Variants in EFCAB7 observed in about 807,000 individuals in gnomAD.
The protein encoded by EFCAB7 is EF-hand calcium-binding domain-containing protein 7.
A neutral mutation model predicts 77.1 loss-of-function variants in EFCAB7; 66 were observed. The ratio of observed to expected loss-of-function variants is 0.86; its 90% CI spans 0.70 to 1.05. The LOEUF is 1.05. EFCAB7 is among the 50% of genes least tolerant of loss of function. The pLI, the probability that EFCAB7 is intolerant of heterozygous loss-of-function variation, is 0.00. For synonymous variants in EFCAB7, 225 were observed against 243.3 expected (o/e 0.92, Z 0.70); for missense variants, 638 against 730.5 (o/e 0.87, Z 1.46).
intron 11 of EFCAB7, among the ~76,000 whole-genome samples, chr1:63,562,442 A>AATTT (rs749376317): frequency 2.7e-4 from 12 of 43,950 alleles, no homozygotes; most frequent in Non-Finnish European, 3.5e-4. Context: ...AGGCCTTCTT[A>AATTT]ATTTATTTAT....
chr1:63,537,537 G>GT (rs980125298), intron 6 of EFCAB7, among the ~76,000 whole-genome samples: 2 of 152,000 alleles, frequency 1.3e-5, no homozygotes, highest in African/African-American at 4.8e-5. Context: ...TTCATTATCT[G>GT]TTTTTTGTGA....
chr1:63,556,847 G>C (rs1647036331), intron 9 of EFCAB7, among the ~76,000 whole-genome samples: 1 of 147,868 alleles, frequency 6.8e-6, no homozygotes, highest in Admixed American at 6.8e-5. Flanking sequence ...ATTTTTAGTA[G>C]AGAAACCCCA....
chr1:63,571,225 G>A, intron 13 of EFCAB7, 97 bp downstream of exon 13: 1 of 750,144 alleles, frequency 1.3e-6, no homozygotes, highest in South Asian at 1.8e-5. Context: ...AAAATGGAGT[G>A]GAAAATTATT....
intron 7 of EFCAB7, chr1:63,546,948 C>T (rs570173284): frequency 5.9e-5 from 9 of 151,974 alleles, no homozygotes; most frequent in Non-Finnish European, 1.3e-4. Flanking sequence ...GGGTGATTTC[C>T]CTAGATAACC....
intron 10 of EFCAB7, among the ~76,000 whole-genome samples, chr1:63,561,498 G>T (rs915008277): frequency 6.6e-6 from 1 of 152,062 alleles, no homozygotes; most frequent in African/African-American, 2.4e-5. Flanking sequence ...ATGAAATTGT[G>T]TACTACGATA....
chr1:63,561,313 C>T (rs897676881), intron 10 of EFCAB7, among the ~76,000 whole-genome samples: 2 of 152,120 alleles, frequency 1.3e-5, no homozygotes, highest in African/African-American at 4.8e-5. Flanking sequence ...TCAAATTCAT[C>T]CAGTTTCTGC....
intron 6 of EFCAB7, among the ~76,000 whole-genome samples, chr1:63,542,334 T>A (rs1317991217): frequency 6.6e-6 from 1 of 152,236 alleles, no homozygotes; most frequent in Non-Finnish European, 1.5e-5. Flanking sequence ...TTTACCATGT[T>A]TTGTTTATCT....
At chr1:63,556,353 G>A (rs1008130234) in intron 9 of EFCAB7, among the ~76,000 whole-genome samples, 1 of 152,034 alleles carries the variant, frequency 6.6e-6, no homozygotes, top group Middle Eastern at 3.2e-3. Flanking sequence ...AAATCACATT[G>A]TACACCATAA....
chr1:63,572,537 C>G lies in EFCAB7; in HGVS notation c.*21C>G, dbSNP rs758433497. On this transcript the variant is annotated 3_prime_UTR_variant, in exon 14 of 14. Transcript: ENST00000371088. ...CTTAAATAATTATACTTAGAACTTA[C>G]CAAACTAAGAATTATTTCAGATTTA... is the stretch of plus-strand genomic sequence containing the variant. 2 of 1,395,884 alleles carry G rather than the reference C, an allele frequency of 1.4e-6. No individual in the cohort carries two copies. The highest frequency in any genetic ancestry group is 5.0e-5 in the Admixed American group (2 of 40,150). The allele number at this position is 1,395,884 out of a possible 1,614,324, so 86.5% of individuals were successfully genotyped here. A position where few individuals can be genotyped will look rare whatever the true frequency, so the allele number is the denominator to read the frequency against.
chr1:63,524,678 A>G (rs1051854986), intron 1 of EFCAB7, among the ~76,000 whole-genome samples: 1 of 152,220 alleles, frequency 6.6e-6, no homozygotes, highest in Admixed American at 6.5e-5. Flanking sequence ...CTAATACCCC[A>G]TAGTAACCAT....
chr1:63,572,355 A>T, intron 13 of EFCAB7, 87 bp from the exon 14 acceptor site: 1 of 1,046,356 alleles, frequency 9.6e-7, no homozygotes, highest in Non-Finnish European at 1.4e-6. Flanking sequence ...TTCTTATACA[A>T]GGCCTAGAAA....
rs750670006 is a variant in EFCAB7, at chr1:63,555,358, G to T, written c.1057G>T (p.Val353Leu). ...TTTTATTTCATTGTTTTGAGAAAAG[G>T]TGTTTGGATGGACTGGTGAACTAGG... ...VCFTELRNRE[V>L]FGWTGELGPG... The change falls in exon 9 of 14, where the codon GTG becomes TTG. Residue 353 changes from valine (V) to leucine (L), a missense_variant and splice_region_variant. Val to Leu is a conservative substitution (Grantham distance 32). Transcript: ENST00000371088. 1.9e-6 allele frequency: 3 copies of T among 1,608,294 alleles called. No homozygotes were observed. Among genetic ancestry groups the T allele is most frequent in the Non-Finnish European group, 1.7e-6 (2 of 1,177,742 alleles).
intron 6 of EFCAB7, among the ~76,000 whole-genome samples, chr1:63,541,690 G>A (rs1646831111): frequency 6.6e-6 from 1 of 151,902 alleles, no homozygotes; most frequent in Admixed American, 6.6e-5. Flanking sequence ...TCAGCCTCCT[G>A]AGGCTGGGAT....
chr1:63,562,491 A>G (rs1395308242), intron 11 of EFCAB7, among the ~76,000 whole-genome samples: 16 of 77,884 alleles, frequency 2.1e-4, no homozygotes, highest in African/African-American at 1.1e-3. Context: ...ATATATATAT[A>G]TATAAAACTT....
At chr1:63,524,838 A>T (rs1033683764) in intron 1 of EFCAB7, among the ~76,000 whole-genome samples, 12 of 152,198 alleles carry the variant, frequency 7.9e-5, no homozygotes, top group Admixed American at 7.9e-4. Context: ...TGTAATAGGG[A>T]TAAGACAAGA....
At chr1:63,583,427 AG>A in the EFCAB7 span, among the ~76,000 whole-genome samples, 2 of 152,182 alleles carry the variant, frequency 1.3e-5, no homozygotes, top group Non-Finnish European at 2.9e-5. Flanking sequence ...CGCTGAAGTC[AG>A]GAAGTACTTT....
the EFCAB7 span, among the ~76,000 whole-genome samples, chr1:63,579,127 T>C: frequency 1.3e-5 from 2 of 152,172 alleles, no homozygotes; most frequent in Non-Finnish European, 2.9e-5. Flanking sequence ...AACACATGTA[T>C]AGATTCATAT....
intron 10 of EFCAB7, among the ~76,000 whole-genome samples, chr1:63,559,648 A>C (rs1366450262): frequency 1.3e-5 from 2 of 151,962 alleles, no homozygotes; most frequent in African/African-American, 4.8e-5. Flanking sequence ...TTTTTTGTTG[A>C]GATGAGTTTC....
chr1:63,541,938 G>A (rs1053256066), intron 6 of EFCAB7, among the ~76,000 whole-genome samples: 1 of 151,918 alleles, frequency 6.6e-6, no homozygotes, highest in Non-Finnish European at 1.5e-5. Context: ...TTTTCCTGTG[G>A]TAAAATATAC....
Sources: allele counts gnomAD v4.1 joint callset (sites outside exome capture counted in the v4.1 genomes callset), GRCh38; gene constraint gnomAD v4.1.1; transcripts MANE v1.5; gene names NCBI Gene and HGNC (gene_info 2026-07-23, HGNC 2026-07-21).